Variants in SEC14L1 observed in about 807,000 individuals in gnomAD.
The protein encoded by SEC14L1 is SEC14 like lipid binding 1.
In SEC14L1, 48 loss-of-function variants were observed where a neutral mutation model predicts 85.3. The ratio of observed to expected loss-of-function variants is 0.56; its 90% confidence interval spans 0.45 to 0.72. The LOEUF (loss-of-function observed/expected upper bound fraction) is 0.72, where lower values mean the gene tolerates loss of function less well. Among genes scored for constraint, SEC14L1 ranks in the 30% least tolerant of loss-of-function variants. The probability of loss-of-function intolerance (pLI) is 0.00; values close to 1 mark genes in which losing one functional copy is unlikely to be tolerated. For missense variants in SEC14L1, 682 were observed against 921.4 expected, an observed-to-expected ratio of 0.74 and a Z score of 3.36; for synonymous variants, 391 against 355.5, an observed-to-expected ratio of 1.10 and a Z score of -1.12.
intron 3 of SEC14L1, among the ~76,000 whole-genome samples, chr17:77,101,236 G>A (rs865795609): frequency 3.3e-5 from 5 of 152,076 alleles, no homozygotes; most frequent in Middle Eastern, 6.8e-3. Flanking sequence ...CCAGGCTGGA[G>A]TGCAATGGCA....
At chr17:77,098,666 A>C (rs1254278487) in intron 3 of SEC14L1, among the ~76,000 whole-genome samples, 1 of 152,104 alleles carries the variant, frequency 6.6e-6, no homozygotes, top group East Asian at 1.9e-4. Flanking sequence ...CCTTCACTGC[A>C]GTGATGAAGC....
chr17:77,216,624 C>T lies in SEC14L1; in HGVS notation c.*2601C>T, dbSNP rs1008996450. 2.5e-6 allele frequency: 4 copies of T among 1,612,576 alleles called. No individual in the cohort carries two copies. Among genetic ancestry groups the T allele is most frequent in the Non-Finnish European group, 3.4e-6 (4 of 1,179,020 alleles). On this transcript the variant is annotated 3_prime_UTR_variant, in exon 17 of 17. Transcript: ENST00000436233. ...CATGTGCCCAGAGATGTTTATAGAA[C>T]TGTTTGAATTGCAGCCATCCCCTGC...
In SEC14L1 at chr17:77,153,485, A is replaced by AT. The variant is rs748087804; in HGVS notation, c.63+9833dup. ...TTGAGTTGCAAATAAGATGCAAAAT[A>AT]TTTTTTTCCCAAATTAAACTAGGCC... On this transcript the variant is annotated intron_variant, in intron 3 of 16. Transcript: ENST00000436233. Among the ~76,000 whole-genome samples, 6 of 152,092 alleles carry AT rather than the reference A, an allele frequency of 3.9e-5. No individual in the cohort carries two copies. In the East Asian group the frequency reaches 5.8e-4, roughly 15 times the overall value.
chr17:77,154,625 C>G (rs920955272), intron 3 of SEC14L1, among the ~76,000 whole-genome samples: 40 of 137,140 alleles, frequency 2.9e-4, no homozygotes, highest in Admixed American at 3.0e-4. Context: ...CTGGCCCCTT[C>G]TGGTTTTTTT....
At chr17:77,159,428 T>C (rs1973961644) in intron 3 of SEC14L1, among the ~76,000 whole-genome samples, 1 of 148,898 alleles carries the variant, frequency 6.7e-6, no homozygotes, top group African/African-American at 2.5e-5. Context: ...TTGCCCAGGC[T>C]GGAGTGCAGT....
rs149867837 is a variant in SEC14L1 at position 77,203,787 on chromosome 17, T to C, written c.1098+129T>C. The C allele has an allele frequency of 1.5e-4, 97 of 664,516 alleles. 2 individuals are homozygous for C. The highest frequency in any genetic ancestry group is 1.0e-3 in the African/African-American group (55 of 54,320). 41.2% of individuals were successfully genotyped at this position (664,516 alleles called of 1,614,324 possible). Reference sequence around the variant, plus strand: ...GCTTATGTAGTTAGGACTGAAAATATATTAATATCGTCTTAAAATTTCAAA... The same window carrying C: ...GCTTATGTAGTTAGGACTGAAAATACATTAATATCGTCTTAAAATTTCAAA... On this transcript the variant is annotated intron_variant, in intron 10 of 16. Coordinates refer to ENST00000436233, the MANE Select transcript of SEC14L1 (RefSeq NM_001143998.2).
At chr17:77,140,360 G>A (rs1972942105), upstream of SEC14L1, among the ~76,000 whole-genome samples, 1 of 152,198 alleles carries the variant, frequency 6.6e-6, no homozygotes, top group Non-Finnish European at 1.5e-5. Flanking sequence ...GCTCACCCGG[G>A]CCCTCCCGAG....
intron 3 of SEC14L1, among the ~76,000 whole-genome samples, chr17:77,106,437 C>G (rs1374973883): frequency 6.6e-6 from 1 of 151,404 alleles, no homozygotes; most frequent in Admixed American, 6.6e-5. Flanking sequence ...GAGACTGAGG[C>G]AGGAGAATCG....
At chr17:77,210,656 A>AG (rs1261875011) in intron 14 of SEC14L1, 1 of 152,206 alleles carries the variant, frequency 6.6e-6, no homozygotes, top group Non-Finnish European at 1.5e-5. Context: ...CCTTACTTGT[A>AG]GATACATACA....
rs568859818 is a variant in SEC14L1, at chr17:77,159,264, G to T, written c.63+15605G>T. On this transcript the variant is annotated intron_variant, in intron 3 of 16. Transcript: ENST00000436233. ...GCATTTTTAGTAGAGATGGGGGTTC[G>T]CCCTCTTGGCCAGGCTGGTCTCGAA... Among the ~76,000 whole-genome samples the T allele has an allele frequency of 3.7e-4, 56 of 150,638 alleles. 1 individual carries two copies. Among genetic ancestry groups the T allele is most frequent in the African/African-American group, 1.3e-3 (55 of 40,948 alleles).
At chr17:77,133,384 G>A (rs538108488) in intron 3 of SEC14L1, among the ~76,000 whole-genome samples, 6 of 152,318 alleles carry the variant, frequency 3.9e-5, no homozygotes, top group South Asian at 2.1e-4. Context: ...CCCACCTGTC[G>A]GTGCCTATGC....
intron 3 of SEC14L1, among the ~76,000 whole-genome samples, chr17:77,161,789 G>A (rs1217624815): frequency 1.5e-5 from 2 of 132,194 alleles, no homozygotes; most frequent in Non-Finnish European, 3.1e-5. Flanking sequence ...GTATTTTCCT[G>A]TTTGTGTTTA....
At chr17:77,125,049 G>C (rs1972406243) in intron 3 of SEC14L1, among the ~76,000 whole-genome samples, 1 of 150,796 alleles carries the variant, frequency 6.6e-6, no homozygotes, top group African/African-American at 2.4e-5. Context: ...TTGTTGCTCA[G>C]GCTGGAGTGC....
In SEC14L1 at chr17:77,143,592, C is replaced by T. The variant is rs1567891063; in HGVS notation, c.-5C>T. ...GTGTGAGAGGGTTGCTGTTGTATTG[C>T]AATCATGGTGCAGAAATACCAGTCC... On this transcript the variant is annotated 5_prime_UTR_variant, in exon 3 of 17. Transcript: ENST00000436233. 1 of 1,612,276 alleles carries T rather than the reference C, an allele frequency of 6.2e-7. No homozygotes were observed. The highest frequency in any genetic ancestry group is 8.5e-7 in the Non-Finnish European group (1 of 1,178,730).
rs201903021 is a variant in SEC14L1, at chr17:77,213,890, C to T, written c.2043-28C>T. 156 of 1,609,588 alleles carry T rather than the reference C, an allele frequency of 9.7e-5. No homozygotes were observed. The African/African-American group carries it at 1.3e-3, about 14-fold the overall frequency. ...CGGGTGGTTGGCAGGGTGGTCCTCA[C>T]GCCTCGCCCCTCCCTGTGCCATTAC... is the stretch of plus-strand genomic sequence containing the variant. On this transcript the variant is annotated intron_variant, in intron 16 of 16. Transcript: ENST00000436233. The surrounding 1 kb of genome is among the most constrained non-coding windows in gnomAD (Gnocchi z 7.1).
intron 3 of SEC14L1, among the ~76,000 whole-genome samples, chr17:77,170,694 G>A (rs1974490787): frequency 2.0e-5 from 3 of 152,186 alleles, no homozygotes; most frequent in African/African-American, 2.4e-5. Flanking sequence ...CATTTTGTCC[G>A]AGGTAGCTGG....
chr17:77,211,868 T>C (rs1375634679), intron 14 of SEC14L1, 82 bp from the exon 15 acceptor site: 24 of 1,548,890 alleles, frequency 1.5e-5, no homozygotes, highest in Non-Finnish European at 2.0e-5. Flanking sequence ...GCACCCTGGA[T>C]CCCCTGGAGA....
intron 3 of SEC14L1, among the ~76,000 whole-genome samples, chr17:77,156,520 A>G (rs576579691): frequency 6.6e-6 from 1 of 151,286 alleles, no homozygotes; most frequent in South Asian, 2.1e-4. Flanking sequence ...GGTTGCAGTG[A>G]GCTGGGATCA....
At chr17:77,159,754 C>T (rs1157100513) in intron 3 of SEC14L1, among the ~76,000 whole-genome samples, 2 of 152,180 alleles carry the variant, frequency 1.3e-5, no homozygotes, top group Non-Finnish European at 2.9e-5. Context: ...CTATTTTATT[C>T]CATCTGTTGA....
Sources: gnomAD v4.1 joint callset for allele counts (sites outside exome capture counted in the v4.1 genomes callset) on GRCh38, gnomAD v4.1.1 for gene constraint, Gnocchi (gnomAD v3.1) non-coding constraint, MANE v1.5 for transcripts, NCBI Gene and HGNC (gene_info 2026-07-23, HGNC 2026-07-21) for gene names.